STK10: variants seen among roughly 807,000 people sequenced by gnomAD.
The protein encoded by STK10 is serine/threonine kinase 10, also known as serine/threonine-protein kinase 10.
Under a neutral mutation model 113.8 loss-of-function variants are expected in STK10, and 78 were observed. That is an observed-to-expected ratio of 0.69 (90% CI 0.57 to 0.83). STK10 has a LOEUF of 0.83. STK10 is among the 40% of genes least tolerant of loss of function. STK10 has a pLI of 0.00. For synonymous variants in STK10, 465 were observed against 494.7 expected (o/e 0.94, Z 0.80); for missense variants, 1,109 against 1,280.1 (o/e 0.87, Z 2.04).
intron 1 of STK10, among the ~76,000 whole-genome samples, chr5:172,178,971 A>C (rs936903023): frequency 2.0e-5 from 3 of 152,166 alleles, no homozygotes; most frequent in Non-Finnish European, 2.9e-5. Context: ...TGTACGTAAC[A>C]GCTCCATAAC....
At chr5:172,136,751 C>T (rs1400693509) in intron 2 of STK10, among the ~76,000 whole-genome samples, 1 of 151,956 alleles carries the variant, frequency 6.6e-6, no homozygotes, top group Non-Finnish European at 1.5e-5. Flanking sequence ...GAGATGTGCT[C>T]TACTACAAGG....
intron 15 of STK10, chr5:172,057,122 G>A: frequency 1.8e-6 from 1 of 544,350 alleles, no homozygotes; most frequent in East Asian, 3.4e-5. Flanking sequence ...GGAGCCACTT[G>A]GGCCATTGGC....
chr5:172,182,219 C>T (rs1174641104), intron 1 of STK10, among the ~76,000 whole-genome samples: 3 of 143,832 alleles, frequency 2.1e-5, no homozygotes, highest in East Asian at 4.6e-4. Context: ...AAGAGAATTG[C>T]TTGAACCTGG....
intron 1 of STK10, among the ~76,000 whole-genome samples, chr5:172,160,104 C>G (rs1206933166): frequency 6.6e-6 from 1 of 151,544 alleles, no homozygotes; most frequent in African/African-American, 2.4e-5. Context: ...CCACGGCACT[C>G]CAGCTTGGGC....
intron 4 of STK10, chr5:172,115,180 A>T (rs955820461): frequency 5.9e-5 from 9 of 152,428 alleles, no homozygotes; most frequent in African/African-American, 2.2e-4. Context: ...TCCGTGCCAG[A>T]GACTGAAGAC....
At chr5:172,181,472 TTTAA>T (rs1770853155) in intron 1 of STK10, among the ~76,000 whole-genome samples, 1 of 146,270 alleles carries the variant, frequency 6.8e-6, no homozygotes, top group Admixed American at 6.7e-5. Context: ...CATACGATTA[TTTAA>T]TTTATTTTAA....
intron 2 of STK10, among the ~76,000 whole-genome samples, chr5:172,137,305 C>G (rs1460121029): frequency 2.0e-5 from 3 of 152,038 alleles, no homozygotes; most frequent in Non-Finnish European, 4.4e-5. Context: ...TGCAAAGATA[C>G]TCAACAAAAT....
intron 9 of STK10, among the ~76,000 whole-genome samples, chr5:172,091,694 C>CTAATTTTT (rs1768710520): frequency 6.6e-6 from 1 of 152,190 alleles, no homozygotes; most frequent in Non-Finnish European, 1.5e-5. Context: ...CCACGCCCGG[C>CTAATTTTT]TAATTTTTTA....
chr5:172,119,108 C>T (rs554012722), intron 3 of STK10, among the ~76,000 whole-genome samples: 14 of 152,142 alleles, frequency 9.2e-5, no homozygotes, highest in South Asian at 2.1e-4. Flanking sequence ...CACGTGCGCA[C>T]GCTGCAGATC....
At chr5:172,091,344 C>T (rs1392381253) in intron 9 of STK10, among the ~76,000 whole-genome samples, 1 of 152,168 alleles carries the variant, frequency 6.6e-6, no homozygotes, top group Non-Finnish European at 1.5e-5. Context: ...GCATAATCGT[C>T]ATCTTTTCCT....
intron 2 of STK10, among the ~76,000 whole-genome samples, chr5:172,128,296 A>C (rs1270434356): frequency 1.3e-4 from 18 of 133,656 alleles, no homozygotes; most frequent in Admixed American, 3.8e-4. Context: ...TTTCTGGCCC[A>C]CTCCGGGCTC....
intron 1 of STK10, among the ~76,000 whole-genome samples, chr5:172,167,030 C>G (rs888097807): frequency 1.3e-5 from 2 of 151,834 alleles, no homozygotes; most frequent in African/African-American, 4.8e-5. Context: ...CAAGATGGCG[C>G]GCACCTGTAG....
intron 12 of STK10, among the ~76,000 whole-genome samples, chr5:172,072,963 A>T (rs973424543): frequency 1.3e-5 from 2 of 152,230 alleles, no homozygotes; most frequent in African/African-American, 4.8e-5. Context: ...TTTACAATCT[A>T]GCAATGAACA....
chr5:172,046,538 C>G (rs760379087), intron 18 of STK10, among the ~76,000 whole-genome samples: 7 of 152,150 alleles, frequency 4.6e-5, no homozygotes, highest in Non-Finnish European at 5.9e-5. Flanking sequence ...CAAGGTTTCA[C>G]AACTAGTAAT....
At chr5:172,119,843 G>A (rs1391856308) in intron 3 of STK10, among the ~76,000 whole-genome samples, 12 of 148,910 alleles carry the variant, frequency 8.1e-5, no homozygotes, top group Non-Finnish European at 1.6e-4. Flanking sequence ...CAGCCTGGGC[G>A]ACAGAGCGAG....
chr5:172,117,680 A>G, intron 3 of STK10, 50 bp from the exon 4 acceptor site: 1 of 1,605,162 alleles, frequency 6.2e-7, no homozygotes, highest in Non-Finnish European at 8.5e-7. Flanking sequence ...TGGACACAGG[A>G]AACTGAAATG....
intron 1 of STK10, among the ~76,000 whole-genome samples, chr5:172,175,188 A>T (rs1382912328): frequency 3.3e-5 from 5 of 152,072 alleles, no homozygotes; most frequent in Non-Finnish European, 7.4e-5. Context: ...CTAATTTTTT[A>T]AATTTTTTGG....
intron 18 of STK10, among the ~76,000 whole-genome samples, chr5:172,050,218 C>G (rs1369872686): frequency 6.6e-6 from 1 of 152,232 alleles, no homozygotes; most frequent in Non-Finnish European, 1.5e-5. Context: ...CCTTCAAGGT[C>G]ACAGCCCTTT....
intron 2 of STK10, among the ~76,000 whole-genome samples, chr5:172,138,916 A>G (rs1561821967): frequency 6.6e-6 from 1 of 152,214 alleles, no homozygotes; most frequent in Non-Finnish European, 1.5e-5. Flanking sequence ...CGGGAGGCTG[A>G]GGCAGGAGAA....
Sources: gnomAD v4.1 joint callset for allele counts (sites outside exome capture counted in the v4.1 genomes callset) on GRCh38, gnomAD v4.1.1 for gene constraint, MANE v1.5 for transcripts, NCBI Gene and HGNC (gene_info 2026-07-23, HGNC 2026-07-21) for gene names.